The following ADCY2 variants were observed in gnomAD, a reference collection of about 807,000 sequenced individuals.
ADCY2 encodes the protein adenylate cyclase type 2.
In ADCY2, 31 loss-of-function variants were observed where a neutral mutation model predicts 125.2. That is an observed-to-expected ratio of 0.25 (90% CI 0.19 to 0.33). The LOEUF (loss-of-function observed/expected upper bound fraction) is 0.33. ADCY2 is among the 10% of genes least tolerant of loss of function. The probability of loss-of-function intolerance (pLI) is 1.00; values close to 1 mark genes in which losing one functional copy is unlikely to be tolerated. For missense variants in ADCY2, 904 were observed against 1,418.2 expected, an observed-to-expected ratio of 0.64 and a Z score of 5.82; for synonymous variants, 512 against 548.4, an observed-to-expected ratio of 0.93 and a Z score of 0.93.
chr5:7,465,370 T>G (rs564818522), intron 2 of ADCY2, among the ~76,000 whole-genome samples: 46 of 152,336 alleles, frequency 3.0e-4, no homozygotes, highest in African/African-American at 1.1e-3. Flanking sequence ...AAGCTTCACA[T>G]TAAAGCAGAG....
At chr5:7,800,575 T>G (rs1041231716) in intron 20 of ADCY2, 3 of 151,950 alleles carry the variant, frequency 2.0e-5, no homozygotes, top group Non-Finnish European at 2.9e-5. Flanking sequence ...GGGAGGAGAA[T>G]CGCTTGGATC....
intron 20 of ADCY2, chr5:7,800,035 A>C (rs1744543047): frequency 3.3e-5 from 5 of 152,256 alleles, no homozygotes. Context: ...AGTGAAGCCC[A>C]TGATCATCCC....
intron 5 of ADCY2, among the ~76,000 whole-genome samples, chr5:7,693,363 G>C (rs544255949): frequency 6.7e-6 from 1 of 149,540 alleles, no homozygotes; most frequent in African/African-American, 2.5e-5. Context: ...TTTCTCTACC[G>C]TAATGCTTTG....
intron 2 of ADCY2, among the ~76,000 whole-genome samples, chr5:7,477,413 T>G (rs1329919229): frequency 6.6e-6 from 1 of 152,222 alleles, no homozygotes; most frequent in Non-Finnish European, 1.5e-5. Context: ...TTCATTTATA[T>G]TCTACTTGCA....
At position 7,427,186 on chromosome 5, in the gene ADCY2, A is replaced by G. The variant is rs536965049; in HGVS notation, c.408+12416A>G. Among the ~76,000 whole-genome samples, 17 of 152,256 alleles carry G rather than the reference A, an allele frequency of 1.1e-4. No homozygotes were observed. In the South Asian group the frequency reaches 2.7e-3, roughly 24 times the overall value. On this transcript the variant is annotated intron_variant, in intron 2 of 24. Transcript: ENST00000338316. ...CTTGGCTTGCAGCTGTGATACTCCA[A>G]TGTCACGTGTTTTCCTCTATGTCTC...
At chr5:7,642,201 T>G (rs912463085) in intron 4 of ADCY2, among the ~76,000 whole-genome samples, 3 of 152,186 alleles carry the variant, frequency 2.0e-5, no homozygotes, top group South Asian at 4.1e-4. Context: ...TTTTGACTGT[T>G]TTAATACTAG....
chr5:7,791,345 CT>C (rs1273831378), intron 20 of ADCY2, among the ~76,000 whole-genome samples: 1 of 152,202 alleles, frequency 6.6e-6, no homozygotes, highest in Non-Finnish European at 1.5e-5. Context: ...GGATGAACTC[CT>C]TAATGGATAA....
intron 7 of ADCY2, among the ~76,000 whole-genome samples, chr5:7,706,131 TC>T (rs1219855959): frequency 1.3e-5 from 2 of 152,236 alleles, no homozygotes; most frequent in African/African-American, 4.8e-5. Flanking sequence ...CATTTTTTCT[TC>T]ATTGAAGTTC....
At chr5:7,533,437 G>T (rs78487715) in intron 3 of ADCY2, among the ~76,000 whole-genome samples, 2 of 151,622 alleles carry the variant, frequency 1.3e-5, no homozygotes, top group East Asian at 3.9e-4. Flanking sequence ...AATGAATTTG[G>T]GATATATTTA....
At position 7,637,409 on chromosome 5, in the gene ADCY2, G is replaced by A. The variant is rs570051615; in HGVS notation, c.720+11093G>A. Among the ~76,000 whole-genome samples, 5 of 137,260 alleles carry A rather than the reference G, an allele frequency of 3.6e-5. No homozygotes were observed. In the South Asian group the frequency reaches 9.7e-4, roughly 27 times the overall value. 90.0% of individuals were successfully genotyped at this position (137,260 alleles called of 152,430 possible). On this transcript the variant is annotated intron_variant, in intron 4 of 24. Transcript: ENST00000338316. ...ATCACAACACTGCACTACAGCCTGG[G>A]TAACAGAGTGAGACTCCGTCTCAAA...
chr5:7,515,938 G>T (rs1481927662), intron 2 of ADCY2, among the ~76,000 whole-genome samples: 1 of 152,174 alleles, frequency 6.6e-6, no homozygotes, highest in Non-Finnish European at 1.5e-5. Context: ...GCAGGGGAGG[G>T]TTTTCCATTT....
At chr5:7,824,447 C>A (rs1237184570) in intron 24 of ADCY2, among the ~76,000 whole-genome samples, 1 of 152,196 alleles carries the variant, frequency 6.6e-6, no homozygotes, top group Non-Finnish European at 1.5e-5. Flanking sequence ...AATACCTCAA[C>A]AGTTAACCCC....
At chr5:7,509,774 G>A (rs1247589339) in intron 2 of ADCY2, among the ~76,000 whole-genome samples, 1 of 152,154 alleles carries the variant, frequency 6.6e-6, no homozygotes, top group Non-Finnish European at 1.5e-5. Flanking sequence ...GTAACTGTAT[G>A]GGAAAGATAA....
At chr5:7,651,791 T>TTTTA (rs796689635) in intron 4 of ADCY2, among the ~76,000 whole-genome samples, 109 of 152,138 alleles carry the variant, frequency 7.2e-4, no homozygotes, top group Admixed American at 1.2e-3. Flanking sequence ...CTTCACGTCT[T>TTTTA]TTTATTTATT....
At chr5:7,610,790 C>A (rs1737550664) in intron 3 of ADCY2, among the ~76,000 whole-genome samples, 1 of 151,996 alleles carries the variant, frequency 6.6e-6, no homozygotes, top group African/African-American at 2.4e-5. Context: ...ATGGTCCAGG[C>A]CTGTGTGGTT....
At chr5:7,448,212 T>C (rs550097930) in intron 2 of ADCY2, among the ~76,000 whole-genome samples, 1 of 152,296 alleles carries the variant, frequency 6.6e-6, no homozygotes, top group East Asian at 1.9e-4. Flanking sequence ...GCTCCTTCAA[T>C]ATGAAGAGCT....
At chr5:7,684,462 C>T (rs1277697684) in intron 4 of ADCY2, among the ~76,000 whole-genome samples, 2 of 152,242 alleles carry the variant, frequency 1.3e-5, no homozygotes, top group Admixed American at 6.5e-5. Flanking sequence ...TGATGATAAA[C>T]AGTTCCGGTT....
chr5:7,511,232 A>T (rs919655920), intron 2 of ADCY2, among the ~76,000 whole-genome samples: 3 of 152,086 alleles, frequency 2.0e-5, no homozygotes, highest in East Asian at 1.9e-4. Context: ...TCAAAAATAT[A>T]AAAAAAATTA....
chr5:7,824,058 T>C (rs1745388226), intron 24 of ADCY2, among the ~76,000 whole-genome samples: 1 of 152,192 alleles, frequency 6.6e-6, no homozygotes, highest in Admixed American at 6.5e-5. Flanking sequence ...ATCCCGAAGG[T>C]GTGGCTTGCT....
Sources: gnomAD v4.1 joint callset for allele counts (sites outside exome capture counted in the v4.1 genomes callset) on GRCh38, gnomAD v4.1.1 for gene constraint, MANE v1.5 for transcripts, NCBI Gene and HGNC (gene_info 2026-07-23, HGNC 2026-07-21) for gene names.